CTNNA2: variants seen among roughly 807,000 people sequenced by gnomAD.
The protein encoded by CTNNA2 is catenin alpha-2.
CTNNA2 carries 42 observed loss-of-function variants against 101.0 expected under a neutral mutation model. That is an observed-to-expected ratio of 0.42 (90% CI 0.32 to 0.54). The LOEUF (loss-of-function observed/expected upper bound fraction) is 0.54. CTNNA2 is among the 20% of genes least tolerant of loss of function. CTNNA2 has a pLI of 0.14. For synonymous variants in CTNNA2, 450 were observed against 456.4 expected, an observed-to-expected ratio of 0.99 and a Z score of 0.18; for missense variants, 871 against 1,223.1, an observed-to-expected ratio of 0.71 and a Z score of 4.29.
chr2:79,485,771 C>T (rs752647760), intron 4 of CTNNA2, among the ~76,000 whole-genome samples: 1 of 152,128 alleles, frequency 6.6e-6, no homozygotes, highest in Non-Finnish European at 1.5e-5. Flanking sequence ...CAACATCTCC[C>T]CTTTATTTTA....
chr2:79,507,022 G>T (rs1671428118), intron 5 of CTNNA2, among the ~76,000 whole-genome samples: 1 of 152,126 alleles, frequency 6.6e-6, no homozygotes, highest in South Asian at 2.1e-4. Flanking sequence ...TGTATAAACA[G>T]AGCTATCATG....
At chr2:79,374,321 T>G (rs1301914505) in intron 4 of CTNNA2, among the ~76,000 whole-genome samples, 1 of 152,174 alleles carries the variant, frequency 6.6e-6, no homozygotes, top group African/African-American at 2.4e-5. Flanking sequence ...CAAAGGGGCA[T>G]GGATCTGGTA....
intron 7 of CTNNA2, among the ~76,000 whole-genome samples, chr2:80,088,294 A>G (rs78567781): frequency 0.011 from 1,728 of 152,164 alleles, 24 homozygotes; most frequent in African/African-American, 0.037. Flanking sequence ...AAACCCATAT[A>G]TGATTCCTAC....
At chr2:79,525,029 G>A (rs1419121344) in intron 1 of CTNNA2, among the ~76,000 whole-genome samples, 4 of 151,754 alleles carry the variant, frequency 2.6e-5, no homozygotes, top group Non-Finnish European at 5.9e-5. Context: ...TAATGCCTGT[G>A]ATAGTAAACT....
At chr2:79,412,293 A>G (rs1252390970) in intron 4 of CTNNA2, among the ~76,000 whole-genome samples, 1 of 152,088 alleles carries the variant, frequency 6.6e-6, no homozygotes, top group Non-Finnish European at 1.5e-5. Context: ...CATAATAATA[A>G]TGGGAGACTT....
Position 80,607,543 on chromosome 2 carries a change from ACTT to A in CTNNA2, c.2296-637_2296-635del, listed in dbSNP as rs1698132949. ...AAGGACTCTGTTGCTACTCTTATGA[ACTT>A]CTTTCAGCTGGCTTCAGATACATTC... On this transcript the variant is annotated intron_variant, in intron 16 of 18. Coordinates refer to ENST00000402739, the MANE Select transcript of CTNNA2 (RefSeq NM_001282597.3). Among the ~76,000 whole-genome samples, 3 of 151,974 alleles carry A rather than the reference ACTT, an allele frequency of 2.0e-5. No homozygotes were observed. In the South Asian group the frequency reaches 6.2e-4, roughly 32 times the overall value.
chr2:79,835,883 G>A (rs1001211476), intron 3 of CTNNA2, among the ~76,000 whole-genome samples: 2 of 151,666 alleles, frequency 1.3e-5, no homozygotes, highest in South Asian at 2.1e-4. Context: ...CACCTGCCTC[G>A]GCATCCCAAA....
At chr2:80,027,556 C>G (rs1695010552) in intron 7 of CTNNA2, among the ~76,000 whole-genome samples, 1 of 152,174 alleles carries the variant, frequency 6.6e-6, no homozygotes. Context: ...CCAATTTTAC[C>G]AGCTCCGGCA....
rs141587592 is a variant in CTNNA2 at position 79,500,506 on chromosome 2, A to G, written c.-134-4548A>G. On this transcript the variant is annotated intron_variant, in intron 4 of 21. Transcript: ENST00000466387. The stretch of plus-strand genomic sequence containing the variant: ...TGAAATTACACAGAATAATTGAAAT[A>G]CACACAAAAAATTGAAAGATTTTTC... Among the ~76,000 whole-genome samples the G allele has an allele frequency of 1.4e-3, 206 of 152,342 alleles. 1 individual carries two copies. Among genetic ancestry groups the G allele is most frequent in the African/African-American group, 4.7e-3 (195 of 41,592 alleles).
chr2:79,292,636 G>A (rs577116078), intron 2 of CTNNA2, among the ~76,000 whole-genome samples: 2 of 152,164 alleles, frequency 1.3e-5, no homozygotes, highest in South Asian at 4.1e-4. Flanking sequence ...AGGCCCAGAT[G>A]GAAAGGGACA....
chr2:80,178,493 G>C (rs1451296063), intron 7 of CTNNA2, among the ~76,000 whole-genome samples: 3 of 152,184 alleles, frequency 2.0e-5, no homozygotes, highest in Non-Finnish European at 4.4e-5. Flanking sequence ...GCCTGCCAAA[G>C]GCTCCAAACT....
At chr2:79,336,141 A>C (rs1026500177) in intron 3 of CTNNA2, among the ~76,000 whole-genome samples, 1 of 152,248 alleles carries the variant, frequency 6.6e-6, no homozygotes, top group African/African-American at 2.4e-5. Context: ...GGATTGGTGC[A>C]TAGCCTTTAG....
In CTNNA2 at chr2:80,062,413, G is replaced by A. The variant is rs187453799; in HGVS notation, c.1056+152616G>A. Among the ~76,000 whole-genome samples, 20 of 152,238 alleles carry A rather than the reference G, an allele frequency of 1.3e-4. No individual in the cohort carries two copies. The East Asian group carries it at 3.1e-3, about 24-fold the overall frequency. ...GCCATTTTAAAATGTACAACTTAGT[G>A]TTGCCTTTTTGCCCTGTGTTTGGCT... On this transcript the variant is annotated intron_variant, in intron 7 of 18. Transcript: ENST00000402739.
chr2:79,218,352 T>TGTG (rs1491322056), intron 2 of CTNNA2, among the ~76,000 whole-genome samples: 2 of 82,626 alleles, frequency 2.4e-5, no homozygotes, highest in Non-Finnish European at 2.2e-5. Context: ...TGTGTGTGTA[T>TGTG]TTTTTTTTTT....
chr2:80,448,553 G>A (rs573134506), intron 9 of CTNNA2, among the ~76,000 whole-genome samples: 26 of 152,296 alleles, frequency 1.7e-4, no homozygotes, highest in African/African-American at 5.8e-4. Context: ...TGCTCATTCA[G>A]TCTGGGCTGG....
At chr2:79,338,622 C>CTTG (rs1237049088) in intron 3 of CTNNA2, among the ~76,000 whole-genome samples, 1 of 149,692 alleles carries the variant, frequency 6.7e-6, no homozygotes, top group Non-Finnish European at 1.5e-5. Context: ...TCTTCTTCTT[C>CTTG]TTCTTCTTCT....
chr2:79,317,962 C>G (rs1676533795), intron 3 of CTNNA2, among the ~76,000 whole-genome samples: 1 of 151,808 alleles, frequency 6.6e-6, no homozygotes, highest in Admixed American at 6.6e-5. Context: ...GCATTACAAA[C>G]AAGATTAGAG....
At chr2:79,394,324 A>G (rs950048158) in intron 4 of CTNNA2, among the ~76,000 whole-genome samples, 10 of 152,192 alleles carry the variant, frequency 6.6e-5, no homozygotes, top group African/African-American at 2.2e-4. Context: ...CTTAGACTGT[A>G]TATTGCATCA....
At chr2:79,991,914 G>T (rs1692209936) in intron 7 of CTNNA2, among the ~76,000 whole-genome samples, 1 of 152,112 alleles carries the variant, frequency 6.6e-6, no homozygotes, top group African/African-American at 2.4e-5. Flanking sequence ...CCTCAGGTAT[G>T]TTCTTAGCCA....
Sources: gnomAD v4.1 joint callset for allele counts (sites outside exome capture counted in the v4.1 genomes callset) on GRCh38, gnomAD v4.1.1 for gene constraint, MANE v1.5 for transcripts, NCBI Gene and HGNC (gene_info 2026-07-23, HGNC 2026-07-21) for gene names.